Variants in MMP26 observed in about 807,000 individuals in gnomAD.
MMP26 encodes the protein matrix metallopeptidase 26.
In MMP26, 33 loss-of-function variants were observed where a neutral mutation model predicts 31.0. The ratio of observed to expected loss-of-function variants is 1.06; its 90% CI spans 0.81 to 1.42. The LOEUF (loss-of-function observed/expected upper bound fraction) is 1.42. Among genes scored for constraint, MMP26 ranks in the 40% most tolerant of loss-of-function variants. The pLI, the probability that MMP26 is intolerant of heterozygous loss-of-function variation, is 0.00. For missense variants in MMP26, 347 were observed against 316.1 expected, an observed-to-expected ratio of 1.10 and a Z score of -0.74; for synonymous variants, 122 against 114.9, an observed-to-expected ratio of 1.06 and a Z score of -0.40.
chr11:4,759,865 C>T (rs2133409615), intron 1 of MMP26, among the ~76,000 whole-genome samples: 1 of 152,334 alleles, frequency 6.6e-6, no homozygotes, highest in East Asian at 1.9e-4. Flanking sequence ...GGTCTCAAGG[C>T]AGGCCCACAG....
chr11:4,803,171 T>C lies in MMP26; in HGVS notation c.-145+35830T>C, dbSNP rs146685939. On this transcript the variant is annotated intron_variant, in intron 2 of 7. Coordinates refer to ENST00000380390, the MANE Select transcript of MMP26 (RefSeq NM_021801.5). ...CATTCTTTTAAAATATTCACTGATT[T>C]AATAGGTAAAACTACTTTTATTGTT... 8.8e-3 allele frequency among the ~76,000 whole-genome samples: 1,347 copies of C among 152,302 alleles called. 22 individuals are homozygous for C. The highest frequency in any genetic ancestry group is 0.031 in the African/African-American group (1,271 of 41,564).
At chr11:4,797,743 C>G (rs182047879) in intron 2 of MMP26, among the ~76,000 whole-genome samples, 1 of 152,184 alleles carries the variant, frequency 6.6e-6, no homozygotes, top group Admixed American at 6.5e-5. Context: ...CAGTTTTGCA[C>G]GACTCCAGGG....
chr11:4,848,605 C>T (rs374902371), intron 2 of MMP26: 5 of 1,607,284 alleles, frequency 3.1e-6, no homozygotes, highest in Non-Finnish European at 4.2e-6. Context: ...TAGGCTGCAC[C>T]CCAAGCTTCT....
chr11:4,867,004 A>G (rs2133520962), intron 2 of MMP26, among the ~76,000 whole-genome samples: 1 of 152,262 alleles, frequency 6.6e-6, no homozygotes, highest in East Asian at 1.9e-4. Context: ...AGACAATACC[A>G]TTCAGGTCAT....
At chr11:4,967,316 A>T (rs1846609640) in intron 2 of MMP26, among the ~76,000 whole-genome samples, 1 of 152,204 alleles carries the variant, frequency 6.6e-6, no homozygotes, top group Admixed American at 6.5e-5. Flanking sequence ...GTCTCATTAG[A>T]TTTGGCTTAA....
At chr11:4,940,591 C>T (rs1314020745) in intron 2 of MMP26, among the ~76,000 whole-genome samples, 1 of 152,140 alleles carries the variant, frequency 6.6e-6, no homozygotes, top group Non-Finnish European at 1.5e-5. Context: ...CTTGTAGGCA[C>T]TGTTTTATGA....
At chr11:4,991,299 C>G in intron 5 of MMP26, 72 bp from the exon 6 acceptor site, 1 of 1,525,348 alleles carries the variant, frequency 6.6e-7, no homozygotes, top group Non-Finnish European at 8.9e-7. Context: ...GTCTCTGAGG[C>G]TTACTTAAGA....
rs540491810 is a variant in MMP26, at chr11:4,979,642, G to A, written c.-144-8426G>A. 2.6e-5 allele frequency among the ~76,000 whole-genome samples: 4 copies of A among 152,238 alleles called. No homozygotes were observed. The South Asian group carries it at 6.2e-4, about 24-fold the overall frequency. ...AATACCATACCCCAGGGTGGCTGAT[G>A]AAACTTAGCATCACAGTCCCTAACT... On this transcript the variant is annotated intron_variant, in intron 2 of 7. Coordinates refer to ENST00000380390, the MANE Select transcript of MMP26 (RefSeq NM_021801.5).
chr11:4,967,261 T>A (rs1012422588), intron 2 of MMP26, among the ~76,000 whole-genome samples: 1 of 152,308 alleles, frequency 6.6e-6, no homozygotes, highest in East Asian at 1.9e-4. Context: ...AAAATTACTC[T>A]TTATATTCAG....
At chr11:4,842,966 C>T (rs1367413536) in intron 2 of MMP26, among the ~76,000 whole-genome samples, 2 of 152,154 alleles carry the variant, frequency 1.3e-5, no homozygotes, top group East Asian at 1.9e-4. Context: ...CATGCAAGTC[C>T]GAAACCCAGC....
At chr11:4,961,678 A>G (rs1473618658) in intron 2 of MMP26, among the ~76,000 whole-genome samples, 4 of 152,330 alleles carry the variant, frequency 2.6e-5, no homozygotes, top group Admixed American at 6.5e-5. Context: ...TCTATTCTTC[A>G]GAATTTGGCT....
At chr11:4,973,389 T>G (rs993641029) in intron 2 of MMP26, 2 of 152,398 alleles carry the variant, frequency 1.3e-5, no homozygotes, top group Admixed American at 6.5e-5. Flanking sequence ...TTTAGATGTT[T>G]TAGAGTGAAA....
intron 2 of MMP26, among the ~76,000 whole-genome samples, chr11:4,793,595 G>A (rs10836653): frequency 0.34 from 51,388 of 151,898 alleles, 9,223 homozygotes; most frequent in Middle Eastern, 0.47. Flanking sequence ...TCATGCCATA[G>A]TTTCCTGGAT....
At chr11:4,849,982 A>T (rs1195440134) in intron 2 of MMP26, among the ~76,000 whole-genome samples, 2 of 152,180 alleles carry the variant, frequency 1.3e-5, no homozygotes, top group African/African-American at 4.8e-5. Flanking sequence ...TAATTTTTAT[A>T]TGTTGGAACA....
rs375618719 is a variant in MMP26, at chr11:4,781,601, A to C, written c.-145+14260A>C. On this transcript the variant is annotated intron_variant, in intron 2 of 7. Coordinates refer to ENST00000380390, the MANE Select transcript of MMP26 (RefSeq NM_021801.5). ...AAAAAAAAAAAAAAAAAAAAAAAAA[A>C]AAAAAACTGATTGCATAATCAAGTA... 2.5e-4 allele frequency among the ~76,000 whole-genome samples: 16 copies of C among 64,972 alleles called. 2 individuals are homozygous for C. The highest frequency in any genetic ancestry group is 1.6e-3 in the African/African-American group (13 of 8,012). The allele number at this position is 64,972 out of a possible 152,430, so 42.6% of individuals were successfully genotyped here. A position where few individuals can be genotyped will look rare whatever the true frequency, so the allele number is the denominator to read the frequency against.
Position 4,751,449 on chromosome 11 carries a change from A to G in MMP26, c.-216-15821A>G, listed in dbSNP as rs557052777. The stretch of plus-strand genomic sequence containing the variant: ...TATTTAAAGATGAGCCTTGAAACCT[A>G]AGTAGAACTTCACAGTGAAGTGGAT... On this transcript the variant is annotated intron_variant, in intron 1 of 7. Coordinates refer to ENST00000380390, the MANE Select transcript of MMP26 (RefSeq NM_021801.5). Among the ~76,000 whole-genome samples the G allele has an allele frequency of 2.0e-5, 3 of 152,268 alleles. No homozygotes were observed. The East Asian group carries it at 5.8e-4, about 29-fold the overall frequency.
intron 2 of MMP26, among the ~76,000 whole-genome samples, chr11:4,829,011 C>G (rs1015788530): frequency 7.2e-5 from 11 of 152,134 alleles, no homozygotes; most frequent in African/African-American, 2.2e-4. Context: ...TCCAGTGAAG[C>G]CTTGAGTCTA....
At chr11:4,830,601 G>A (rs115787581) in intron 2 of MMP26, among the ~76,000 whole-genome samples, 2 of 152,192 alleles carry the variant, frequency 1.3e-5, no homozygotes, top group South Asian at 4.1e-4. Context: ...ATTCATTGAA[G>A]GGAGACAGAT....
chr11:4,804,345 A>G (rs377337974), intron 2 of MMP26: 29 of 1,614,066 alleles, frequency 1.8e-5, no homozygotes, highest in Non-Finnish European at 2.5e-5. Flanking sequence ...TGAAGGACAC[A>G]GGATGAGAAG....
Sources: gnomAD v4.1 joint callset for allele counts (sites outside exome capture counted in the v4.1 genomes callset) on GRCh38, gnomAD v4.1.1 for gene constraint, MANE v1.5 for transcripts, NCBI Gene and HGNC (gene_info 2026-07-23, HGNC 2026-07-21) for gene names.